The following MFF variants were observed in gnomAD, a reference collection of about 807,000 sequenced individuals.
The protein encoded by MFF is chromosome 2 open reading frame 33.
A neutral mutation model predicts 36.9 loss-of-function variants in MFF; 12 were observed. The observed-to-expected ratio is 0.33, with a 90% CI of 0.21 to 0.53. MFF has a LOEUF of 0.53. Among genes scored for constraint, MFF ranks in the 20% least tolerant of loss-of-function variants. The pLI is 0.95. For synonymous variants in MFF, 99 were observed against 126.2 expected (o/e 0.78, Z 1.44); for missense variants, 348 against 366.6 (o/e 0.95, Z 0.42).
At chr2:227,345,329 G>A (rs2075650187) in intron 5 of MFF, among the ~76,000 whole-genome samples, 2 of 151,892 alleles carry the variant, frequency 1.3e-5, no homozygotes, top group Non-Finnish European at 2.9e-5. Context: ...TCATACTGTT[G>A]CCCCAAGATT....
At chr2:227,353,683 T>G (rs560437502) in intron 7 of MFF, among the ~76,000 whole-genome samples, 4 of 152,350 alleles carry the variant, frequency 2.6e-5, no homozygotes, top group Non-Finnish European at 5.9e-5. Flanking sequence ...AAACACAATG[T>G]AAAGTAACAT....
chr2:227,331,515 A>G (rs1207017004), intron 3 of MFF, among the ~76,000 whole-genome samples: 2 of 152,228 alleles, frequency 1.3e-5, no homozygotes, highest in Non-Finnish European at 2.9e-5. Context: ...ATGGTTTCAT[A>G]TCTTTAGGAG....
In MFF at chr2:227,348,294, G is replaced by A. The variant is rs533145596; in HGVS notation, c.599+910G>A. Among the ~76,000 whole-genome samples the A allele has an allele frequency of 3.3e-5, 5 of 152,178 alleles. No individual in the cohort carries two copies. The East Asian group carries it at 5.8e-4, about 18-fold the overall frequency. ...ACTTGCACTGGACAAACTTTTTCTT[G>A]TTGAGTGCTTGTAGTCCTCACACAG... On this transcript the variant is annotated intron_variant, in intron 6 of 8. Coordinates refer to ENST00000304593, the MANE Select transcript of MFF (RefSeq NM_001277062.2).
intron 8 of MFF, among the ~76,000 whole-genome samples, 182 bp from the exon 9 acceptor site, chr2:227,356,804 C>G (rs924938995): frequency 6.6e-6 from 1 of 152,188 alleles, no homozygotes; most frequent in African/African-American, 2.4e-5. Flanking sequence ...TGAATTTAAG[C>G]TGTCATGAAT....
Position 227,347,367 on chromosome 2 carries a change from G to A in MFF, c.582G>A (p.Val194=). Residue 194 remains valine, a synonymous_variant, in exon 6 of 9, where the codon GTG becomes GTA. Transcript: ENST00000304593. ...TRRAYQQILD[V]LDENRRPVLR... Reference sequence around the variant, plus strand: ...GGGCATACCAGCAGATCTTGGATGTGCTGGATGAAAATCGCAGGTGATTGG... The same window carrying A: ...GGGCATACCAGCAGATCTTGGATGTACTGGATGAAAATCGCAGGTGATTGG... 2 of 1,613,564 alleles carry A rather than the reference G, an allele frequency of 1.2e-6. No homozygotes were observed. Among genetic ancestry groups the A allele is most frequent in the East Asian group, 2.2e-5 (1 of 44,852 alleles).
intron 5 of MFF, 33 bp downstream of exon 5, chr2:227,340,413 G>A (rs754074686): frequency 6.9e-7 from 1 of 1,457,786 alleles, no homozygotes; most frequent in Admixed American, 1.8e-5. Flanking sequence ...TATCTCGTTT[G>A]TAAGTTTTCT....
intron 2 of MFF, chr2:227,329,449 A>C (rs2074409068): frequency 3.2e-6 from 1 of 307,946 alleles, no homozygotes; most frequent in Non-Finnish European, 6.0e-6. Flanking sequence ...GTATAGAAAA[A>C]CTCTTCTTAG....
At position 227,330,651 on chromosome 2, in the gene MFF, C is replaced by G; in HGVS notation, c.-15C>G. The G allele has an allele frequency of 6.2e-7, 1 of 1,613,774 alleles. No individual in the cohort carries two copies. Among genetic ancestry groups the G allele is most frequent in the Non-Finnish European group, 8.5e-7 (1 of 1,179,684 alleles). On this transcript the variant is annotated 5_prime_UTR_variant, in exon 3 of 9. Transcript: ENST00000304593. ...GGTGAGCAGGGCAGCATTTCCTTCTCCCACTGCTGCTGAGATGGCAGAAAT... is the reference window on the plus strand; with the variant it reads ...GGTGAGCAGGGCAGCATTTCCTTCTGCCACTGCTGCTGAGATGGCAGAAAT...
At chr2:227,341,592 G>C (rs2075394551) in intron 5 of MFF, among the ~76,000 whole-genome samples, 1 of 152,062 alleles carries the variant, frequency 6.6e-6, no homozygotes, top group Non-Finnish European at 1.5e-5. Flanking sequence ...TATCTGGTTA[G>C]CAGTGATGTC....
At chr2:227,352,267 T>G in intron 6 of MFF, 1 of 381,206 alleles carries the variant, frequency 2.6e-6, no homozygotes, top group East Asian at 4.2e-5. Flanking sequence ...ATGTTGGTGC[T>G]GTTTTGTCGT....
chr2:227,336,499 A>G (rs764882960), intron 4 of MFF, among the ~76,000 whole-genome samples: 2 of 152,254 alleles, frequency 1.3e-5, no homozygotes, highest in Non-Finnish European at 1.5e-5. Context: ...CAGTTGGCAT[A>G]TATAAAATCT....
In MFF at chr2:227,347,214, TTG is replaced by T. The variant is rs1371709573; in HGVS notation, c.441-8_441-7del. On this transcript the variant is annotated splice_polypyrimidine_tract_variant and intron_variant, in intron 5 of 8. Transcript: ENST00000304593. ...GTGTTTTTCTCTTCATTTGCTGTGC[TTG>T]TGTAAACAGTGTGACACCATCGCCA... 2 of 1,607,238 alleles carry T rather than the reference TTG, an allele frequency of 1.2e-6. No homozygotes were observed. The highest frequency in any genetic ancestry group is 2.7e-5 in the African/African-American group (2 of 74,774).
chr2:227,336,216 T>G (rs1389566064), intron 4 of MFF, among the ~76,000 whole-genome samples: 2 of 152,198 alleles, frequency 1.3e-5, no homozygotes, highest in Non-Finnish European at 2.9e-5. Flanking sequence ...ACTCTGCCGT[T>G]AAATCCTATC....
At position 227,352,494 on chromosome 2, in the gene MFF, C is replaced by T. The variant is rs922197141; in HGVS notation, c.600-20C>T. The T allele has an allele frequency of 6.2e-7, 1 of 1,611,538 alleles. No homozygotes were observed. Among genetic ancestry groups the T allele is most frequent in the East Asian group, 2.2e-5 (1 of 44,862 alleles). ...TTCCTGATTCTGTCTTGTGCCTTCT[C>T]CCGCAAAAACCTGCCTTAGACCTGT... On this transcript the variant is annotated intron_variant, in intron 6 of 8. Coordinates refer to ENST00000304593, the MANE Select transcript of MFF (RefSeq NM_001277062.2).
At chr2:227,337,846 C>A (rs2075121162) in intron 4 of MFF, among the ~76,000 whole-genome samples, 1 of 151,974 alleles carries the variant, frequency 6.6e-6, no homozygotes, top group Non-Finnish European at 1.5e-5. Flanking sequence ...GTCAAGAGAT[C>A]ACCAAGCCTG....
At chr2:227,356,456 G>A (rs151079702) in intron 8 of MFF, among the ~76,000 whole-genome samples, 1 of 152,222 alleles carries the variant, frequency 6.6e-6, no homozygotes, top group East Asian at 1.9e-4. Flanking sequence ...TTAGCCTTCA[G>A]GCCTGAAGGG....
chr2:227,347,714 C>T (rs1337179907), intron 6 of MFF, among the ~76,000 whole-genome samples: 2 of 152,200 alleles, frequency 1.3e-5, no homozygotes, highest in African/African-American at 2.4e-5. Context: ...GAGTGTTAGA[C>T]TGAAGTTTAC....
intron 2 of MFF, chr2:227,329,642 CA>C (rs1398037961): frequency 1.1e-5 from 9 of 820,356 alleles, no homozygotes; most frequent in East Asian, 2.6e-5. Flanking sequence ...TGTACACCTC[CA>C]AAAAAAGTTC....
chr2:227,342,672 G>C, intron 5 of MFF: 1 of 1,274,946 alleles, frequency 7.8e-7, no homozygotes, highest in Non-Finnish European at 1.1e-6. Context: ...ATTCTAAACA[G>C]TAAAATCAGA....
Sources: allele counts gnomAD v4.1 joint callset (sites outside exome capture counted in the v4.1 genomes callset), GRCh38; gene constraint gnomAD v4.1.1; transcripts MANE v1.5; gene names NCBI Gene and HGNC (gene_info 2026-07-23, HGNC 2026-07-21).